The following ATM variants were observed in gnomAD, a reference collection of about 807,000 sequenced individuals.
ATM encodes serine-protein kinase ATM.
A neutral mutation model predicts 387.0 loss-of-function variants in ATM; 308 were observed. The observed-to-expected ratio is 0.80, with a 90% CI of 0.73 to 0.87. The LOEUF (loss-of-function observed/expected upper bound fraction) is 0.87. ATM is among the 40% of genes least tolerant of loss of function. The pLI, the probability that ATM is intolerant of heterozygous loss-of-function variation, is 0.00. For synonymous variants in ATM, 1,156 were observed against 1,187.3 expected (o/e 0.97, Z 0.54); for missense variants, 3,312 against 3,560.9 (o/e 0.93, Z 1.78).
At chr11:108,278,695 G>C (rs1261198137) in intron 22 of ATM, among the ~76,000 whole-genome samples, 3 of 152,178 alleles carry the variant, frequency 2.0e-5, no homozygotes, top group Non-Finnish European at 2.9e-5. Context: ...GGCCATGCCA[G>C]GCTCTTTTTT....
Position 108,232,338 on chromosome 11 carries a change from T to C in ATM, c.331+3015T>C, listed in dbSNP as rs886413161. Among the ~76,000 whole-genome samples, 6 of 147,196 alleles carry C rather than the reference T, an allele frequency of 4.1e-5. No homozygotes were observed. The East Asian group carries it at 1.2e-3, about 29-fold the overall frequency. The stretch of plus-strand genomic sequence containing the variant: ...ATTCCCTCACCCCACTTCAGTTGTT[T>C]TTGTTTGTTTGTTTGTTTGTTTTTT... On this transcript the variant is annotated intron_variant, in intron 4 of 62. Coordinates refer to ENST00000675843, the MANE Select transcript of ATM (RefSeq NM_000051.4).
chr11:108,231,790 T>C (rs941293969), intron 4 of ATM, among the ~76,000 whole-genome samples: 3 of 151,988 alleles, frequency 2.0e-5, no homozygotes, highest in Non-Finnish European at 4.4e-5. Flanking sequence ...TATTTCAGAT[T>C]GGTGGTATGA....
intron 46 of ATM, 116 bp downstream of exon 46, chr11:108,325,660 AT>A: frequency 1.1e-6 from 1 of 895,842 alleles, no homozygotes; most frequent in Non-Finnish European, 1.7e-6. Context: ...CTCTATTAAT[AT>A]ATAGTAAAAA....
At chr11:108,348,508 T>A (rs547055661) in intron 59 of ATM, among the ~76,000 whole-genome samples, 1 of 151,700 alleles carries the variant, frequency 6.6e-6, no homozygotes, top group African/African-American at 2.4e-5. Flanking sequence ...TTAGTTTTGC[T>A]CATTATTTTG....
intron 16 of ATM, among the ~76,000 whole-genome samples, chr11:108,259,616 A>C: frequency 6.6e-6 from 1 of 152,248 alleles, no homozygotes; most frequent in East Asian, 1.9e-4. Context: ...TTCTCAATAA[A>C]TAATACATTT....
chr11:108,257,733 C>A, intron 15 of ATM, 127 bp downstream of exon 15: 1 of 948,532 alleles, frequency 1.1e-6, no homozygotes, highest in Admixed American at 2.0e-5. Flanking sequence ...AATTCTCCTG[C>A]CTCAGCCTCC....
intron 48 of ATM, among the ~76,000 whole-genome samples, chr11:108,328,529 A>G (rs910291608): frequency 1.3e-5 from 2 of 152,100 alleles, no homozygotes; most frequent in African/African-American, 4.8e-5. Flanking sequence ...TACAGGCTTG[A>G]GCCACCACAC....
At chr11:108,290,022 T>C (rs2082699833) in intron 29 of ATM, 2 of 455,902 alleles carry the variant, frequency 4.4e-6, no homozygotes, top group Non-Finnish European at 7.9e-6. Context: ...CATGCCTGAC[T>C]AATTTTTTGT....
At chr11:108,319,844 G>T in intron 43 of ATM, 110 bp from the exon 44 acceptor site, 1 of 737,312 alleles carries the variant, frequency 1.4e-6, no homozygotes, top group Non-Finnish European at 2.3e-6. Context: ...GCATTTTTTA[G>T]AATGGAGAAA....
chr11:108,294,931 T>C lies in ATM; in HGVS notation c.4781T>C (p.Ile1594Thr), dbSNP rs1555101621. 1 of 1,613,774 alleles carries C rather than the reference T, an allele frequency of 6.2e-7. No individual in the cohort carries two copies. The highest frequency in any genetic ancestry group is 8.5e-7 in the Non-Finnish European group (1 of 1,179,796). The change falls in exon 32 of 63, where the codon ATT (isoleucine) becomes ACT (threonine). Residue 1594 changes from isoleucine (I) to threonine (T), a missense_variant. Coordinates refer to ENST00000675843, the MANE Select transcript of ATM (RefSeq NM_000051.4). ...AAGTTACATTTTCTCTTTTAGGAAA[T>C]TAACCATTTTCTCTCAGTAAGTGTT... ...SRGPFSLLEE[I>T]NHFLSVSVYD...
At position 108,363,360 on chromosome 11, in the gene ATM, G is replaced by C. The variant is rs1290809556; in HGVS notation, c.8851-1722G>C. ...TTTCCCTTTTCTTTTCAGTGTATTT[G>C]TCTCTCCTGGCCTTCAAGATTTTAT... On this transcript the variant is annotated intron_variant, in intron 61 of 62. Transcript: ENST00000675843. Among the ~76,000 whole-genome samples, 3 of 152,004 alleles carry C rather than the reference G, an allele frequency of 2.0e-5. No homozygotes were observed. In the South Asian group the frequency reaches 6.2e-4, roughly 32 times the overall value.
In ATM at chr11:108,250,948, A is replaced by G. The variant is rs786201969; in HGVS notation, c.1483A>G (p.Ile495Val). 1.9e-6 allele frequency: 3 copies of G among 1,614,216 alleles called. No homozygotes were observed. The highest frequency in any genetic ancestry group is 2.2e-5 in the East Asian group (1 of 44,882). The change falls in exon 10 of 63, where the codon ATA becomes GTA. Residue 495 changes from isoleucine to valine, a missense_variant. Physicochemically the swap from Ile to Val is conservative, Grantham distance 29. Coordinates refer to ENST00000675843, the MANE Select transcript of ATM (RefSeq NM_000051.4). ...AATTTGGTGTATTACCTTTCGTGGT[A>G]TAAGTTCTGAGCAAATACAAGCTGA... ...NKIWCITFRG[I>V]SSEQIQAENF...
rs759660081 is a variant in ATM, at chr11:108,293,378, T to A, written c.4677T>A (p.Ile1559=). Residue 1559 remains isoleucine, a synonymous_variant, in exon 31 of 63, where the codon ATT becomes ATA. Coordinates refer to ENST00000675843, the MANE Select transcript of ATM (RefSeq NM_000051.4). ...ATAATGAAAACCTCTATATCACGAT[T>A]AAGCTTTTAGATCCTTTTCCTGACC... ...NKDNENLYIT[I]KLLDPFPDHV... is the part of the protein sequence containing the mutation. 6 of 1,602,862 alleles carry A rather than the reference T, an allele frequency of 3.7e-6. No homozygotes were observed. The highest frequency in any genetic ancestry group is 5.1e-6 in the Non-Finnish European group (6 of 1,170,242).
chr11:108,318,363 A>C (rs1460409347), intron 43 of ATM, among the ~76,000 whole-genome samples: 1 of 151,218 alleles, frequency 6.6e-6, no homozygotes, highest in African/African-American at 2.5e-5. Flanking sequence ...CTCTGTCTCT[A>C]AAAAAATAAA....
intron 16 of ATM, among the ~76,000 whole-genome samples, chr11:108,260,030 C>CTTTTT (rs754362678): frequency 4.2e-5 from 4 of 94,588 alleles, no homozygotes; most frequent in Non-Finnish European, 6.3e-5. Flanking sequence ...CTTATCTGCT[C>CTTTTT]TTTTTTTTTT....
At chr11:108,288,184 C>T (rs1229639104) in intron 27 of ATM, among the ~76,000 whole-genome samples, 7 of 152,034 alleles carry the variant, frequency 4.6e-5, no homozygotes, top group Non-Finnish European at 1.0e-4. Context: ...ATCCTTCCTT[C>T]CACCTCAGCC....
chr11:108,297,435 T>C, intron 33 of ATM, 53 bp downstream of exon 33: 2 of 1,353,778 alleles, frequency 1.5e-6, no homozygotes, highest in Non-Finnish European at 1.1e-6. Flanking sequence ...GGATCACATA[T>C]AGGACAGATT....
At chr11:108,272,634 A>G (rs2081648988) in intron 21 of ATM, 27 bp downstream of exon 21, 1 of 1,612,716 alleles carries the variant, frequency 6.2e-7, no homozygotes, top group East Asian at 2.2e-5. Context: ...TTTTAGTAAG[A>G]TCTCCATTGA....
intron 26 of ATM, among the ~76,000 whole-genome samples, chr11:108,284,885 T>G (rs2082411325): frequency 6.6e-6 from 1 of 152,186 alleles, no homozygotes; most frequent in Non-Finnish European, 1.5e-5. Context: ...TTCCTATAGT[T>G]CTCATACCCT....
Sources: gnomAD v4.1 joint callset for allele counts (sites outside exome capture counted in the v4.1 genomes callset) on GRCh38, gnomAD v4.1.1 for gene constraint, MANE v1.5 for transcripts, NCBI Gene and HGNC (gene_info 2026-07-23, HGNC 2026-07-21) for gene names.